CDH18: variants seen among roughly 807,000 people sequenced by gnomAD.
The protein encoded by CDH18 is cadherin-18.
Under a neutral mutation model 67.9 loss-of-function variants are expected in CDH18, and 31 were observed. The observed-to-expected ratio is 0.46, with a 90% CI of 0.34 to 0.62. CDH18 has a LOEUF of 0.62. Among genes scored for constraint, CDH18 ranks in the 20% least tolerant of loss-of-function variants. The pLI, the probability that CDH18 is intolerant of heterozygous loss-of-function variation, is 0.01. For synonymous variants in CDH18, 362 were observed against 347.2 expected (o/e 1.04, Z -0.48); for missense variants, 890 against 975.5 (o/e 0.91, Z 1.17).
intron 2 of CDH18, among the ~76,000 whole-genome samples, chr5:20,186,533 T>C (rs1738113260): frequency 6.6e-6 from 1 of 151,926 alleles, no homozygotes; most frequent in Non-Finnish European, 1.5e-5. Flanking sequence ...GATACAAAAA[T>C]GGCCAATAAA....
intron 3 of CDH18, among the ~76,000 whole-genome samples, chr5:19,799,113 G>A (rs1336244395): frequency 2.0e-5 from 3 of 152,086 alleles, no homozygotes; most frequent in East Asian, 1.9e-4. Flanking sequence ...ATGGATGAAC[G>A]TAGAAGACAC....
chr5:19,663,607 A>C (rs1303812845), intron 5 of CDH18, among the ~76,000 whole-genome samples: 1 of 151,970 alleles, frequency 6.6e-6, no homozygotes, highest in Admixed American at 6.6e-5. Flanking sequence ...TTTTGCCATG[A>C]TTCCTGGGTT....
intron 1 of CDH18, among the ~76,000 whole-genome samples, chr5:20,543,317 CT>C (rs1203287719): frequency 6.6e-6 from 1 of 151,744 alleles, no homozygotes. Context: ...TCTATTTTTT[CT>C]CATAATTATA....
intron 1 of CDH18, among the ~76,000 whole-genome samples, chr5:20,564,220 C>T (rs1758372522): frequency 6.6e-6 from 1 of 151,630 alleles, no homozygotes; most frequent in Non-Finnish European, 1.5e-5. Context: ...CATAATCGTT[C>T]TTAATCTTCC....
At chr5:20,508,427 A>G (rs1754799943) in intron 1 of CDH18, among the ~76,000 whole-genome samples, 2 of 148,350 alleles carry the variant, frequency 1.3e-5, no homozygotes, top group African/African-American at 2.5e-5. Context: ...TCCTTTGAGA[A>G]GTCCTGCAGT....
chr5:19,570,389 T>C (rs760421567), intron 8 of CDH18, among the ~76,000 whole-genome samples: 1 of 152,102 alleles, frequency 6.6e-6, no homozygotes, highest in Non-Finnish European at 1.5e-5. Flanking sequence ...GCAGATGGAG[T>C]AGGATTGTTG....
At chr5:19,741,200 A>G in intron 4 of CDH18, among the ~76,000 whole-genome samples, 1 of 148,328 alleles carries the variant, frequency 6.7e-6, no homozygotes, top group African/African-American at 2.5e-5. Flanking sequence ...GTATATATGT[A>G]TATATGTCAT....
At chr5:19,831,101 G>C (rs774893080) in intron 3 of CDH18, among the ~76,000 whole-genome samples, 2 of 151,992 alleles carry the variant, frequency 1.3e-5, no homozygotes, top group Non-Finnish European at 2.9e-5. Context: ...CTTATTACCT[G>C]GGTAATGAAA....
intron 1 of CDH18, among the ~76,000 whole-genome samples, chr5:19,981,968 C>T (rs1427797953): frequency 6.6e-6 from 1 of 152,062 alleles, no homozygotes; most frequent in East Asian, 1.9e-4. Flanking sequence ...TAATTATGCC[C>T]TTGTTTACCA....
chr5:20,482,751 A>G (rs969315084), intron 1 of CDH18, among the ~76,000 whole-genome samples: 2 of 152,002 alleles, frequency 1.3e-5, no homozygotes, highest in Non-Finnish European at 2.9e-5. Context: ...TCTCAAAAAA[A>G]CTGGCTATAG....
chr5:19,735,381 T>C (rs185671680), intron 4 of CDH18, among the ~76,000 whole-genome samples: 2 of 146,322 alleles, frequency 1.4e-5, no homozygotes, highest in East Asian at 2.1e-4. Context: ...TTGTTCAATG[T>C]ATTGATGATA....
intron 2 of CDH18, among the ~76,000 whole-genome samples, chr5:19,846,783 T>A (rs1430209821): frequency 6.6e-6 from 1 of 152,100 alleles, no homozygotes; most frequent in Non-Finnish European, 1.5e-5. Context: ...AATAAAAGAC[T>A]CCTTTTGGAA....
chr5:19,630,660 G>C (rs1752293893), intron 5 of CDH18, among the ~76,000 whole-genome samples: 1 of 152,146 alleles, frequency 6.6e-6, no homozygotes, highest in Admixed American at 6.5e-5. Flanking sequence ...GATCTAGCAG[G>C]AAGTAATAGA....
chr5:19,526,611 G>A (rs1043465153), intron 9 of CDH18, among the ~76,000 whole-genome samples: 1 of 151,970 alleles, frequency 6.6e-6, no homozygotes, highest in African/African-American at 2.4e-5. Flanking sequence ...TAAATATCAT[G>A]ACTTAAATCT....
rs1748789045 is a variant in CDH18 at position 19,610,596 on chromosome 5, T to C, written c.811+1838A>G. On this transcript the variant is annotated intron_variant, in intron 6 of 12. Transcript: ENST00000382275. The stretch of plus-strand genomic sequence containing the variant: ...TTTTCTGTCTATTAAGGCTACAATA[T>C]GAATGTACATCTTTAAAATAGTGGT... Among the ~76,000 whole-genome samples, 4 of 152,102 alleles carry C rather than the reference T, an allele frequency of 2.6e-5. No individual in the cohort carries two copies. In the South Asian group the frequency reaches 8.3e-4, roughly 31 times the overall value.
At chr5:20,078,178 A>G (rs753375142) in intron 2 of CDH18, among the ~76,000 whole-genome samples, 1 of 152,148 alleles carries the variant, frequency 6.6e-6, no homozygotes, top group Non-Finnish European at 1.5e-5. Context: ...ATGTTCACTT[A>G]TGGCCGGGTG....
chr5:20,444,270 T>C (rs1749839111), intron 1 of CDH18, among the ~76,000 whole-genome samples: 1 of 152,248 alleles, frequency 6.6e-6, no homozygotes, highest in Non-Finnish European at 1.5e-5. Context: ...CCTCAGAATC[T>C]GCATGAATTA....
intron 3 of CDH18, among the ~76,000 whole-genome samples, chr5:19,810,255 TG>T (rs1161864307): frequency 6.6e-6 from 1 of 151,978 alleles, no homozygotes; most frequent in Non-Finnish European, 1.5e-5. Context: ...CACTTGAACT[TG>T]GGAGGTGGAG....
chr5:19,481,441 C>T (rs529167617), intron 12 of CDH18, among the ~76,000 whole-genome samples: 3 of 152,314 alleles, frequency 2.0e-5, no homozygotes, highest in Non-Finnish European at 4.4e-5. Flanking sequence ...GTATGCTACT[C>T]TAACACGTAC....
Sources: allele counts gnomAD v4.1 joint callset (sites outside exome capture counted in the v4.1 genomes callset), GRCh38; gene constraint gnomAD v4.1.1; transcripts MANE v1.5; gene names NCBI Gene and HGNC (gene_info 2026-07-23, HGNC 2026-07-21).